Variants in PCDH9 observed in about 807,000 individuals in gnomAD.
PCDH9 encodes the protein protocadherin 9.
In PCDH9, 24 loss-of-function variants were observed where a neutral mutation model predicts 70.6. The ratio of observed to expected loss-of-function variants is 0.34; its 90% CI spans 0.25 to 0.48. The LOEUF is 0.48. Ranked by LOEUF, PCDH9 falls within the 20% of genes least tolerant of loss-of-function variation. PCDH9 has a pLI of 0.99. For missense variants in PCDH9, 1,281 were observed against 1,503.6 expected (o/e 0.85, Z 2.45); for synonymous variants, 562 against 558.5 (o/e 1.01, Z -0.09).
intron 4 of PCDH9, among the ~76,000 whole-genome samples, chr13:66,432,986 T>A (rs1320609692): frequency 6.6e-6 from 1 of 151,908 alleles, no homozygotes; most frequent in Non-Finnish European, 1.5e-5. Context: ...GGAAGTAAAT[T>A]CTAAATTGGG....
At chr13:66,364,242 C>T (rs1206688376) in intron 4 of PCDH9, among the ~76,000 whole-genome samples, 2 of 152,134 alleles carry the variant, frequency 1.3e-5, no homozygotes, top group African/African-American at 2.4e-5. Context: ...TATTTAAATG[C>T]ATATTCATAC....
At chr13:66,928,639 G>GA (rs2082754869) in intron 2 of PCDH9, among the ~76,000 whole-genome samples, 1 of 152,048 alleles carries the variant, frequency 6.6e-6, no homozygotes, top group Non-Finnish European at 1.5e-5. Flanking sequence ...ATAGAGACCT[G>GA]AATGGTGCAT....
chr13:67,085,894 T>C (rs1430343172), intron 2 of PCDH9, among the ~76,000 whole-genome samples: 1 of 152,204 alleles, frequency 6.6e-6, no homozygotes, highest in African/African-American at 2.4e-5. Context: ...TACATGCGAA[T>C]AGGTAATGTT....
intron 4 of PCDH9, among the ~76,000 whole-genome samples, chr13:66,480,333 G>A (rs540258719): frequency 6.6e-6 from 1 of 152,214 alleles, no homozygotes; most frequent in African/African-American, 2.4e-5. Flanking sequence ...CAAAGAAGGT[G>A]GTTTCTTGAG....
At position 67,139,349 on chromosome 13, in the gene PCDH9, G is replaced by A. The variant is rs573313706; in HGVS notation, c.3036+86056C>T. On this transcript the variant is annotated intron_variant, in intron 2 of 4. Transcript: ENST00000377865. Reference sequence around the variant, plus strand: ...TAACCGCTATTACCAAGTCTTAATCGCTCAGAGATTCAGCACAGTTGGATA... The same window carrying A: ...TAACCGCTATTACCAAGTCTTAATCACTCAGAGATTCAGCACAGTTGGATA... 9.2e-5 allele frequency among the ~76,000 whole-genome samples: 14 copies of A among 152,206 alleles called. No individual in the cohort carries two copies. The South Asian group carries it at 1.5e-3, about 16-fold the overall frequency.
intron 2 of PCDH9, among the ~76,000 whole-genome samples, chr13:67,004,052 G>T (rs768680106): frequency 3.9e-5 from 6 of 152,010 alleles, no homozygotes; most frequent in Non-Finnish European, 8.8e-5. Context: ...AAAAATGCCT[G>T]TGAAAAACAT....
intron 4 of PCDH9, among the ~76,000 whole-genome samples, chr13:66,585,164 A>G (rs556754226): frequency 1.3e-3 from 196 of 152,216 alleles, no homozygotes; most frequent in African/African-American, 4.5e-3. Context: ...TATCATAGGC[A>G]TGTGACCTGT....
chr13:66,726,545 C>T (rs1051036038), intron 3 of PCDH9, among the ~76,000 whole-genome samples: 1 of 152,174 alleles, frequency 6.6e-6, no homozygotes, highest in Non-Finnish European at 1.5e-5. Context: ...TCTCATGGCT[C>T]TGAAAATAAA....
intron 2 of PCDH9, among the ~76,000 whole-genome samples, chr13:67,137,768 G>T (rs777148039): frequency 1.3e-5 from 2 of 151,912 alleles, no homozygotes; most frequent in Non-Finnish European, 2.9e-5. Flanking sequence ...TACTAAAAAA[G>T]TTGCTTGGCC....
chr13:67,138,144 C>A (rs2087281485), intron 2 of PCDH9, among the ~76,000 whole-genome samples: 1 of 152,082 alleles, frequency 6.6e-6, no homozygotes, highest in South Asian at 2.1e-4. Context: ...TCTATCTTTA[C>A]TATTTATTTG....
At chr13:66,532,157 T>C (rs1389031815) in intron 4 of PCDH9, among the ~76,000 whole-genome samples, 1 of 147,086 alleles carries the variant, frequency 6.8e-6, no homozygotes, top group African/African-American at 2.4e-5. Flanking sequence ...TGTCCAGCTA[T>C]TTTTTAGTGG....
At chr13:67,004,270 T>C (rs1252416300) in intron 2 of PCDH9, among the ~76,000 whole-genome samples, 3 of 152,094 alleles carry the variant, frequency 2.0e-5, no homozygotes, top group Admixed American at 6.6e-5. Context: ...CTTAAAGTTT[T>C]TTAAAAAAGA....
chr13:66,801,043 T>C (rs909412224), intron 3 of PCDH9, among the ~76,000 whole-genome samples: 4 of 148,542 alleles, frequency 2.7e-5, no homozygotes, highest in Non-Finnish European at 4.5e-5. Flanking sequence ...ACAGCAAATA[T>C]ATTGTTCTTA....
At chr13:67,211,675 C>CATAT (rs1251475731) in intron 2 of PCDH9, 1 of 151,832 alleles carries the variant, frequency 6.6e-6, no homozygotes, top group East Asian at 1.9e-4. Context: ...TTTAGGAAAA[C>CATAT]ATATATATAT....
intron 3 of PCDH9, among the ~76,000 whole-genome samples, chr13:66,648,115 G>A (rs2077797338): frequency 6.6e-6 from 1 of 152,196 alleles, no homozygotes; most frequent in African/African-American, 2.4e-5. Context: ...GAATCTGCCT[G>A]GAGCCAAGAT....
At chr13:67,040,667 T>G (rs1167881750) in intron 2 of PCDH9, among the ~76,000 whole-genome samples, 3 of 152,034 alleles carry the variant, frequency 2.0e-5, no homozygotes, top group Admixed American at 1.3e-4. Flanking sequence ...TAGCCCAAAC[T>G]GAATATGACA....
At chr13:66,629,235 A>T (rs1272924801) in intron 4 of PCDH9, among the ~76,000 whole-genome samples, 3 of 152,202 alleles carry the variant, frequency 2.0e-5, no homozygotes, top group African/African-American at 4.8e-5. Context: ...TCCTAAAACA[A>T]TTTGTGCAAC....
intron 4 of PCDH9, among the ~76,000 whole-genome samples, chr13:66,426,230 A>G (rs953330549): frequency 6.6e-6 from 1 of 151,586 alleles, no homozygotes; most frequent in African/African-American, 2.4e-5. Flanking sequence ...GAAAAAAAAA[A>G]GAACCCTATA....
intron 4 of PCDH9, among the ~76,000 whole-genome samples, chr13:66,538,123 A>G (rs1593641347): frequency 6.6e-6 from 1 of 152,256 alleles, no homozygotes; most frequent in African/African-American, 2.4e-5. Flanking sequence ...TGTTCAGACA[A>G]TACAAATGTT....
Sources: allele counts gnomAD v4.1 joint callset (sites outside exome capture counted in the v4.1 genomes callset), GRCh38; gene constraint gnomAD v4.1.1; transcripts MANE v1.5; gene names NCBI Gene and HGNC (gene_info 2026-07-23, HGNC 2026-07-21).